The following ADGRL3 variants were observed in gnomAD, a reference collection of about 807,000 sequenced individuals.
ADGRL3 encodes the protein adhesion G protein-coupled receptor L3.
A neutral mutation model predicts 153.5 loss-of-function variants in ADGRL3; 62 were observed. The observed-to-expected ratio is 0.40, with a 90% CI of 0.33 to 0.50. The LOEUF (loss-of-function observed/expected upper bound fraction) is 0.50, where lower values mean the gene tolerates loss of function less well. Ranked by LOEUF, ADGRL3 falls within the 20% of genes least tolerant of loss-of-function variation. The pLI, the probability that ADGRL3 is intolerant of heterozygous loss-of-function variation, is 0.47. For synonymous variants in ADGRL3, 710 were observed against 672.5 expected (o/e 1.06, Z -0.86); for missense variants, 1,641 against 1,859.4 (o/e 0.88, Z 2.16).
intron 5 of ADGRL3, among the ~76,000 whole-genome samples, chr4:61,623,702 A>G (rs142877160): frequency 3.4e-4 from 52 of 152,274 alleles, no homozygotes; most frequent in African/African-American, 1.1e-3. Flanking sequence ...TTACTAGGCT[A>G]TAGGGAGTCT....
chr4:61,727,278 C>A (rs1023256245), intron 6 of ADGRL3, among the ~76,000 whole-genome samples: 3 of 151,894 alleles, frequency 2.0e-5, no homozygotes, highest in African/African-American at 7.3e-5. Flanking sequence ...TTTATTCTAA[C>A]CACAGGATAT....
At chr4:61,273,147 G>A (rs1350247259) in intron 1 of ADGRL3, among the ~76,000 whole-genome samples, 2 of 152,134 alleles carry the variant, frequency 1.3e-5, no homozygotes, top group Admixed American at 1.3e-4. Context: ...TGTTGCTATC[G>A]TTTTTAACAC....
At chr4:61,236,122 G>C (rs781682713) in intron 1 of ADGRL3, among the ~76,000 whole-genome samples, 3 of 143,756 alleles carry the variant, frequency 2.1e-5, no homozygotes, top group Non-Finnish European at 4.5e-5. Context: ...CGATTCTCCT[G>C]TCTCAACCTC....
intron 21 of ADGRL3, among the ~76,000 whole-genome samples, chr4:62,019,570 T>G (rs2151360312): frequency 6.6e-6 from 1 of 152,284 alleles, no homozygotes; most frequent in East Asian, 1.9e-4. Flanking sequence ...ATTGACTTTT[T>G]TAAGAAGATT....
At chr4:61,209,096 T>C (rs1055984973) in intron 1 of ADGRL3, among the ~76,000 whole-genome samples, 1 of 152,212 alleles carries the variant, frequency 6.6e-6, no homozygotes, top group African/African-American at 2.4e-5. Context: ...GTATATTCTA[T>C]GGCTAATTTC....
intron 5 of ADGRL3, among the ~76,000 whole-genome samples, chr4:61,673,897 T>C (rs1283854786): frequency 6.6e-6 from 1 of 151,106 alleles, no homozygotes; most frequent in Non-Finnish European, 1.5e-5. Flanking sequence ...AGAACAATGA[T>C]GATAATAACT....
chr4:61,614,959 G>T (rs1175289845), intron 5 of ADGRL3, among the ~76,000 whole-genome samples: 1 of 152,092 alleles, frequency 6.6e-6, no homozygotes, highest in East Asian at 1.9e-4. Context: ...CATTTTAAAA[G>T]AAATAAGTAT....
intron 11 of ADGRL3, among the ~76,000 whole-genome samples, chr4:61,901,366 C>T (rs2098663555): frequency 6.6e-6 from 1 of 152,128 alleles, no homozygotes; most frequent in Non-Finnish European, 1.5e-5. Flanking sequence ...CAGTATTTTA[C>T]AACGTTTGAC....
intron 1 of ADGRL3, among the ~76,000 whole-genome samples, chr4:61,304,935 G>A (rs1456704688): frequency 1.3e-5 from 2 of 152,150 alleles, no homozygotes; most frequent in African/African-American, 2.4e-5. Flanking sequence ...TGTAACACTG[G>A]TACCTGCCTT....
intron 1 of ADGRL3, among the ~76,000 whole-genome samples, chr4:61,232,735 AC>A (rs1207286811): frequency 6.6e-6 from 1 of 152,182 alleles, no homozygotes; most frequent in Non-Finnish European, 1.5e-5. Context: ...AGACATGTAA[AC>A]CATTTAGAAC....
At chr4:61,210,667 A>G (rs1212687470) in intron 1 of ADGRL3, among the ~76,000 whole-genome samples, 1 of 152,164 alleles carries the variant, frequency 6.6e-6, no homozygotes, top group Admixed American at 6.5e-5. Context: ...GGAAGGGTTC[A>G]ACTGTTTTTC....
intron 13 of ADGRL3, among the ~76,000 whole-genome samples, chr4:61,932,221 G>A (rs201514977): frequency 6.6e-6 from 1 of 152,080 alleles, no homozygotes; most frequent in East Asian, 1.9e-4. Flanking sequence ...CAAATACTAT[G>A]TTGAATAGTG....
At chr4:61,381,024 T>A (rs988095540) in intron 1 of ADGRL3, among the ~76,000 whole-genome samples, 32 of 151,950 alleles carry the variant, frequency 2.1e-4, no homozygotes, top group African/African-American at 7.7e-4. Flanking sequence ...TGCCTTCTCA[T>A]TAGCAGGCTA....
intron 7 of ADGRL3, among the ~76,000 whole-genome samples, 168 bp from the exon 8 acceptor site, chr4:61,732,586 G>A (rs1207682747): frequency 6.6e-6 from 1 of 152,104 alleles, no homozygotes; most frequent in African/African-American, 2.4e-5. Flanking sequence ...TTGAAATGAA[G>A]CCAAAATTAA....
chr4:61,945,471 G>A (rs1465767095), intron 15 of ADGRL3, among the ~76,000 whole-genome samples: 1 of 123,508 alleles, frequency 8.1e-6, no homozygotes, highest in African/African-American at 3.1e-5. Flanking sequence ...CACCCAGTTC[G>A]AGCTTCCAGG....
intron 8 of ADGRL3, among the ~76,000 whole-genome samples, chr4:61,798,051 G>A (rs2097436340): frequency 6.6e-6 from 1 of 152,106 alleles, no homozygotes; most frequent in South Asian, 2.1e-4. Flanking sequence ...TTTAGAAAAG[G>A]TATCTTGATC....
chr4:61,964,317 T>C (rs879452827), intron 17 of ADGRL3, among the ~76,000 whole-genome samples: 23 of 152,324 alleles, frequency 1.5e-4, no homozygotes, highest in African/African-American at 2.9e-4. Flanking sequence ...ATATGACTTA[T>C]TAATTCACTA....
At chr4:61,393,595 T>C (rs569039068) in intron 2 of ADGRL3, among the ~76,000 whole-genome samples, 6 of 152,064 alleles carry the variant, frequency 3.9e-5, no homozygotes, top group Non-Finnish European at 8.8e-5. Context: ...CAGGCTTTAT[T>C]ATAAATTATC....
chr4:61,919,726 A>G (rs1161510461), intron 13 of ADGRL3, among the ~76,000 whole-genome samples: 1 of 152,246 alleles, frequency 6.6e-6, no homozygotes. Flanking sequence ...GGACAATGAC[A>G]GATGTTGATC....
Sources: gnomAD v4.1 joint callset for allele counts (sites outside exome capture counted in the v4.1 genomes callset) on GRCh38, gnomAD v4.1.1 for gene constraint, MANE v1.5 for transcripts, NCBI Gene and HGNC (gene_info 2026-07-23, HGNC 2026-07-21) for gene names.